The following GNB1 variants were observed in gnomAD, a reference collection of about 807,000 sequenced individuals.
The protein encoded by GNB1 is guanine nucleotide-binding protein G(I)/G(S)/G(T) subunit beta-1.
GNB1 carries 2 observed loss-of-function variants against 42.9 expected under a neutral mutation model. The observed-to-expected ratio is 0.05, with a 90% CI of 0.02 to 0.15. The LOEUF (loss-of-function observed/expected upper bound fraction) is 0.15. Ranked by LOEUF, GNB1 falls within the 10% of genes least tolerant of loss-of-function variation. The probability of loss-of-function intolerance (pLI) is 1.00; values close to 1 mark genes in which losing one functional copy is unlikely to be tolerated. For missense variants in GNB1, 193 were observed against 462.2 expected, an observed-to-expected ratio of 0.42 and a Z score of 5.34; for synonymous variants, 183 against 174.7, an observed-to-expected ratio of 1.05 and a Z score of -0.38.
chr1:1,848,937 G>A (rs188131192), intron 1 of GNB1, among the ~76,000 whole-genome samples: 9 of 152,342 alleles, frequency 5.9e-5, no homozygotes, highest in Admixed American at 5.2e-4. Context: ...ATGTTCCGGA[G>A]TGATAGGCAT....
At chr1:1,885,371 C>T (rs1650089353) in intron 1 of GNB1, among the ~76,000 whole-genome samples, 1 of 150,628 alleles carries the variant, frequency 6.6e-6, no homozygotes. Context: ...CAGGACAGCG[C>T]CATTGCACTC....
intron 1 of GNB1, among the ~76,000 whole-genome samples, chr1:1,890,611 C>T (rs1476745514): frequency 2.0e-5 from 3 of 148,674 alleles, no homozygotes; most frequent in African/African-American, 7.3e-5. Flanking sequence ...CGGCTCCTCT[C>T]CCTAGACCCC....
chr1:1,868,925 C>T (rs56044478), intron 1 of GNB1, among the ~76,000 whole-genome samples: 10,482 of 151,808 alleles, frequency 0.069, 501 homozygotes, highest in Non-Finnish European at 0.1. Flanking sequence ...TGACTCATGC[C>T]TGTAATCCCA....
At chr1:1,887,263 C>G (rs373836968) in intron 1 of GNB1, among the ~76,000 whole-genome samples, 27 of 152,338 alleles carry the variant, frequency 1.8e-4, no homozygotes, top group South Asian at 6.2e-4. Flanking sequence ...AATGCCAACA[C>G]TGCACTTCTA....
intron 1 of GNB1, among the ~76,000 whole-genome samples, chr1:1,884,109 G>T (rs1385358415): frequency 6.6e-6 from 1 of 151,106 alleles, no homozygotes; most frequent in African/African-American, 2.4e-5. Flanking sequence ...GAGATTACAG[G>T]CATGTGCCAC....
intron 2 of GNB1, among the ~76,000 whole-genome samples, chr1:1,829,861 C>G (rs1647051937): frequency 6.6e-6 from 1 of 152,026 alleles, no homozygotes; most frequent in Non-Finnish European, 1.5e-5. Context: ...GCCTCAGCCT[C>G]CCGAGTAGCT....
At chr1:1,837,552 C>CATTTT (rs1647169214) in intron 2 of GNB1, among the ~76,000 whole-genome samples, 8 of 147,446 alleles carry the variant, frequency 5.4e-5, no homozygotes, top group Non-Finnish European at 8.9e-5. Context: ...CCATGCCTGG[C>CATTTT]CTTTTTGTTT....
In GNB1 at chr1:1,785,754, T is replaced by C. The variant is rs1646396972; in HGVS notation, c.*1309A>G. The C allele has an allele frequency of 3.0e-6, 1 of 329,468 alleles. No individual in the cohort carries two copies. Among genetic ancestry groups the C allele is most frequent in the Admixed American group, 4.9e-5 (1 of 20,390 alleles). 20.4% of individuals were successfully genotyped at this position (329,468 alleles called of 1,614,324 possible). A position where few individuals can be genotyped will look rare whatever the true frequency, so the allele number is the denominator to read the frequency against. On this transcript the variant is annotated 3_prime_UTR_variant, in exon 12 of 12. Transcript: ENST00000378609. ...GCTCTTCACTCCCTCTCCCTCCCTC[T>C]CTCTCCCTCCCCACCCTCAGAATCC...
chr1:1,854,124 G>C (rs1261559672), intron 1 of GNB1, among the ~76,000 whole-genome samples: 1 of 152,206 alleles, frequency 6.6e-6, no homozygotes, highest in African/African-American at 2.4e-5. Flanking sequence ...TAAGCGAACA[G>C]TGCAAGTCTT....
Position 1,790,645 on chromosome 1 carries a change from T to C in GNB1, c.498-49A>G, listed in dbSNP as rs1253350361. The C allele has an allele frequency of 7.7e-7, 1 of 1,291,566 alleles. No individual in the cohort carries two copies. The highest frequency in any genetic ancestry group is 1.1e-6 in the Non-Finnish European group (1 of 894,178). 80.0% of individuals were successfully genotyped at this position (1,291,566 alleles called of 1,614,324 possible). A position where few individuals can be genotyped will look rare whatever the true frequency, so the allele number is the denominator to read the frequency against. Reference sequence around the variant, plus strand: ...GGGACATCAGCCTTAACTTCTTGGGTGGCTAGTCATGTGACAGACAATCTG... The same window carrying C: ...GGGACATCAGCCTTAACTTCTTGGGCGGCTAGTCATGTGACAGACAATCTG... On this transcript the variant is annotated intron_variant, in intron 8 of 11. Coordinates refer to ENST00000378609, the MANE Select transcript of GNB1 (RefSeq NM_002074.5). This position sits in a 1 kb window ranked among gnomAD's most constrained non-coding sequence, Gnocchi z 5.4.
intron 1 of GNB1, among the ~76,000 whole-genome samples, chr1:1,887,403 C>CTTTT (rs1054296751): frequency 1.6e-4 from 24 of 152,208 alleles, no homozygotes; most frequent in Admixed American, 1.2e-3. Context: ...AAAGCTACAA[C>CTTTT]TTTTCCAGTG....
At position 1,804,486 on chromosome 1, in the gene GNB1, G is replaced by A. The variant is rs368984912; in HGVS notation, c.363C>T (p.Cys121=). The change falls in exon 7 of 12, where the codon TGC becomes TGT. Residue 121 remains cysteine, a synonymous_variant. Transcript: ENST00000378609. ...YVACGGLDNI[C]SIYNLKTREG... is the part of the protein sequence containing the mutation. ...CACGAGTTTTCAGATTGTAAATGGA[G>A]CAAATGTTATCCAGGCCACCGCAGG... is the stretch of plus-strand genomic sequence containing the variant. 1 of 1,613,574 alleles carries A rather than the reference G, an allele frequency of 6.2e-7. No individual in the cohort carries two copies. The highest frequency in any genetic ancestry group is 8.5e-7 in the Non-Finnish European group (1 of 1,179,574).
intron 5 of GNB1, among the ~76,000 whole-genome samples, chr1:1,812,847 C>T (rs1224525380): frequency 6.6e-6 from 1 of 150,496 alleles, no homozygotes. Flanking sequence ...CCAGCCCCAC[C>T]TCCACTGCTC....
At position 1,791,323 on chromosome 1, in the gene GNB1, C is replaced by T. The variant is rs1031533268; in HGVS notation, c.498-727G>A. On this transcript the variant is annotated intron_variant, in intron 8 of 11. Coordinates refer to ENST00000378609, the MANE Select transcript of GNB1 (RefSeq NM_002074.5). Reference sequence around the variant, plus strand: ...AGTAGCTGGGATTACAGGCATGCGCCACCATGCCCGGCTAATTTTGTTTGT... The same window carrying T: ...AGTAGCTGGGATTACAGGCATGCGCTACCATGCCCGGCTAATTTTGTTTGT... 2.6e-5 allele frequency among the ~76,000 whole-genome samples: 4 copies of T among 152,148 alleles called. No homozygotes were observed. The East Asian group carries it at 7.7e-4, about 29-fold the overall frequency.
chr1:1,841,979 T>A (rs549207721), intron 1 of GNB1, among the ~76,000 whole-genome samples: 1 of 152,358 alleles, frequency 6.6e-6, no homozygotes, highest in Non-Finnish European at 1.5e-5. Flanking sequence ...GAATAAAATG[T>A]GGTCTATCCA....
chr1:1,810,240 T>C (rs1646756811), intron 5 of GNB1, among the ~76,000 whole-genome samples: 1 of 152,036 alleles, frequency 6.6e-6, no homozygotes, highest in African/African-American at 2.4e-5. Context: ...TTATTTTTTG[T>C]ATTTTTAGTT....
chr1:1,870,485 C>T (rs1009921670), intron 1 of GNB1, among the ~76,000 whole-genome samples: 15 of 152,134 alleles, frequency 9.9e-5, no homozygotes, highest in African/African-American at 3.4e-4. Context: ...ATAATCAGCC[C>T]GTCTTGTTTA....
chr1:1,881,982 T>C (rs1041510508), intron 1 of GNB1, among the ~76,000 whole-genome samples: 1 of 152,040 alleles, frequency 6.6e-6, no homozygotes, highest in Non-Finnish European at 1.5e-5. Flanking sequence ...GTCTCAAAGC[T>C]TTTTTTAATG....
chr1:1,837,109 T>C (rs1376917478), intron 2 of GNB1, among the ~76,000 whole-genome samples: 1 of 152,164 alleles, frequency 6.6e-6, no homozygotes, highest in African/African-American at 2.4e-5. Context: ...GAGCAGAAGT[T>C]TTAAATTTTG....
Sources: gnomAD v4.1 joint callset for allele counts (sites outside exome capture counted in the v4.1 genomes callset) on GRCh38, gnomAD v4.1.1 for gene constraint, Gnocchi (gnomAD v3.1) non-coding constraint, MANE v1.5 for transcripts, NCBI Gene and HGNC (gene_info 2026-07-23, HGNC 2026-07-21) for gene names.